BRAP: variants seen among roughly 807,000 people sequenced by gnomAD.
The protein encoded by BRAP is BRCA1 associated protein.
A neutral mutation model predicts 73.4 loss-of-function variants in BRAP; 42 were observed. The ratio of observed to expected loss-of-function variants is 0.57; its 90% confidence interval spans 0.45 to 0.74. BRAP has a LOEUF of 0.74. BRAP is among the 30% of genes least tolerant of loss of function. The probability of loss-of-function intolerance (pLI) is 0.00; values close to 1 mark genes in which losing one functional copy is unlikely to be tolerated. For missense variants in BRAP, 593 were observed against 751.4 expected (o/e 0.79, Z 2.46); for synonymous variants, 255 against 267.4 (o/e 0.95, Z 0.45).
At chr12:111,645,369 C>T (rs889289483) in intron 11 of BRAP, among the ~76,000 whole-genome samples, 1 of 152,126 alleles carries the variant, frequency 6.6e-6, no homozygotes. Context: ...GTCCAGCCCA[C>T]AAATGTACTT....
At position 111,679,331 on chromosome 12, in the gene BRAP, G is replaced by A; in HGVS notation, c.453C>T (p.Thr151=). The A allele has an allele frequency of 3.9e-6, 6 of 1,531,570 alleles. No individual in the cohort carries two copies. Among genetic ancestry groups the A allele is most frequent in the Non-Finnish European group, 5.3e-6 (6 of 1,134,286 alleles). 94.9% of individuals were successfully genotyped at this position (1,531,570 alleles called of 1,614,324 possible). ...TGCGCCGCACATCTTCTTTTAAGGA[G>A]GTCATCTTACTAACAAAAAAAAAAT... The part of the protein sequence containing the change: ...IMHLYKTNKM[T]SLKEDVRRSA... The change falls in exon 4 of 12, where the codon ACC becomes ACT. Residue 151 remains threonine (T), a synonymous_variant. Coordinates refer to ENST00000419234, the MANE Select transcript of BRAP (RefSeq NM_006768.5).
intron 10 of BRAP, 78 bp from the exon 11 acceptor site, chr12:111,650,120 C>T (rs941507895): frequency 1.2e-5 from 12 of 1,038,672 alleles, no homozygotes; most frequent in East Asian, 2.5e-5. Context: ...TCATATTTTT[C>T]CCCCCAATTA....
intron 11 of BRAP, among the ~76,000 whole-genome samples, chr12:111,645,989 C>G (rs567926072): frequency 6.6e-6 from 1 of 152,122 alleles, no homozygotes; most frequent in South Asian, 2.1e-4. Context: ...GATCTTGTCT[C>G]AAACAAACAA....
Position 111,685,692 on chromosome 12 carries a change from G to A in BRAP, c.82+19C>T, listed in dbSNP as rs765384261. On this transcript the variant is annotated intron_variant, in intron 1 of 11. Transcript: ENST00000419234. ...CCCAGACCCGGCTACAGGGAATGCG[G>A]CGAGGCCGCGGGACTCACCCGCGGC... The A allele has an allele frequency of 5.0e-6, 8 of 1,596,354 alleles. 2 individuals carry two copies. In the South Asian group the frequency reaches 9.0e-5, roughly 18 times the overall value.
intron 4 of BRAP, among the ~76,000 whole-genome samples, chr12:111,677,454 T>C (rs550276872): frequency 6.6e-6 from 1 of 152,314 alleles, no homozygotes; most frequent in Non-Finnish European, 1.5e-5. Context: ...TTGTCATTTA[T>C]GTCTAGCTAT....
intron 5 of BRAP, among the ~76,000 whole-genome samples, chr12:111,667,421 C>T (rs1170134785): frequency 6.6e-5 from 10 of 151,962 alleles, no homozygotes; most frequent in Admixed American, 4.6e-4. Context: ...AAAAAGATGC[C>T]GGGCGGGGTG....
At chr12:111,677,350 C>A (rs542607441) in intron 4 of BRAP, among the ~76,000 whole-genome samples, 1 of 152,288 alleles carries the variant, frequency 6.6e-6, no homozygotes, top group Admixed American at 6.5e-5. Flanking sequence ...GAATGTCTCA[C>A]AAACAACCGC....
At chr12:111,653,383 G>A (rs1461811763) in intron 10 of BRAP, among the ~76,000 whole-genome samples, 1 of 152,056 alleles carries the variant, frequency 6.6e-6, no homozygotes, top group Non-Finnish European at 1.5e-5. Flanking sequence ...ATCCACAGCT[G>A]GAAAAATACT....
Position 111,665,881 on chromosome 12 carries a change from C to A in BRAP, c.748-94G>T. 1 of 1,520,484 alleles carries A rather than the reference C, an allele frequency of 6.6e-7. No homozygotes were observed. Among genetic ancestry groups the A allele is most frequent in the South Asian group, 1.2e-5 (1 of 82,710 alleles). The allele number at this position is 1,520,484 out of a possible 1,614,324, so 94.2% of individuals were successfully genotyped here. A position where few individuals can be genotyped will look rare whatever the true frequency, so the allele number is the denominator to read the frequency against. On this transcript the variant is annotated intron_variant, in intron 5 of 11. Transcript: ENST00000419234. This position sits in a 1 kb window ranked among gnomAD's most constrained non-coding sequence, Gnocchi z 4.3. ...TCTGAGACAGGGTCTCGCTCTCTGT[C>A]ACCCACGCTGGAGCCCAGTGGCGCA...
Position 111,685,879 on chromosome 12 carries a change from G to C in BRAP, c.-87C>G. 2 of 914,008 alleles carry C rather than the reference G, an allele frequency of 2.2e-6. No individual in the cohort carries two copies. Among genetic ancestry groups the C allele is most frequent in the Non-Finnish European group, 3.0e-6 (2 of 673,738 alleles). The allele number at this position is 914,008 out of a possible 1,614,324, so 56.6% of individuals were successfully genotyped here. On this transcript the variant is annotated 5_prime_UTR_variant, in exon 1 of 12. Coordinates refer to ENST00000419234, the MANE Select transcript of BRAP (RefSeq NM_006768.5). ...GAGGCCGAGCGGCCCGGGGCCGGCAGCGCCGCCACCACCTCAATGCAGTTG... is the reference window on the plus strand; with the variant it reads ...GAGGCCGAGCGGCCCGGGGCCGGCACCGCCGCCACCACCTCAATGCAGTTG...
At position 111,672,761 on chromosome 12, in the gene BRAP, C is replaced by G. The variant is rs765670841; in HGVS notation, c.647G>C (p.Ser216Thr). The change falls in exon 5 of 12, where the codon AGT becomes ACT. Residue 216 changes from serine to threonine, a missense_variant. By Grantham distance (58) the Ser-to-Thr change is moderately conservative. Coordinates refer to ENST00000419234, the MANE Select transcript of BRAP (RefSeq NM_006768.5). ...GCGGCCATTGCATGTCATATAAAAA[C>G]TATCCGCATCAGCCTATGTACACCA... Reference protein sequence around the residue: ...IKFRAQADADSFYMTCNGRQF... With the variant: ...IKFRAQADADTFYMTCNGRQF... 6.2e-6 allele frequency: 10 copies of G among 1,613,824 alleles called. No individual in the cohort carries two copies. The Admixed American group carries it at 1.3e-4, about 22-fold the overall frequency.
chr12:111,648,284 G>A (rs970395075), intron 11 of BRAP, among the ~76,000 whole-genome samples: 2 of 147,470 alleles, frequency 1.4e-5, no homozygotes, highest in African/African-American at 5.0e-5. Flanking sequence ...TTGCGCCACT[G>A]CACTCCAGCC....
chr12:111,677,804 A>G (rs1257368594), intron 4 of BRAP, among the ~76,000 whole-genome samples: 1 of 152,210 alleles, frequency 6.6e-6, no homozygotes, highest in African/African-American at 2.4e-5. Flanking sequence ...TAAACTTTAA[A>G]TCCAAAGGAT....
At chr12:111,644,662 C>T (rs540162471) in intron 11 of BRAP, 100 bp from the exon 12 acceptor site, 1,350 of 1,497,500 alleles carry the variant, frequency 9.0e-4, no homozygotes, top group Non-Finnish European at 1.2e-3. Flanking sequence ...CCTCAGAATC[C>T]CTTTAGGACA....
chr12:111,659,390 G>T, intron 7 of BRAP, 45 bp from the exon 8 acceptor site: 2 of 1,577,962 alleles, frequency 1.3e-6, no homozygotes, highest in South Asian at 2.3e-5. Context: ...AAAAATAAAT[G>T]ATCTGGCTGG....
At chr12:111,682,221 C>T (rs1887626985) in intron 2 of BRAP, among the ~76,000 whole-genome samples, 1 of 152,156 alleles carries the variant, frequency 6.6e-6, no homozygotes, top group African/African-American at 2.4e-5. Context: ...TCCACTTCCG[C>T]AGATAAAATG....
In BRAP at chr12:111,642,877, A is replaced by AAGTAACAT. The variant is rs1253770048; in HGVS notation, c.*1314_*1321dup. 6.6e-6 allele frequency: 1 copy of AAGTAACAT among 152,230 alleles called. No homozygotes were observed. Among genetic ancestry groups the AAGTAACAT allele is most frequent in the Non-Finnish European group, 1.5e-5 (1 of 68,044 alleles). The allele number at this position is 152,230 out of a possible 1,614,324, so 9.4% of individuals were successfully genotyped here. A position where few individuals can be genotyped will look rare whatever the true frequency, so the allele number is the denominator to read the frequency against. On this transcript the variant is annotated 3_prime_UTR_variant, in exon 12 of 12. Transcript: ENST00000419234. ...TTAGTGATACAGTTGATGTGCTAAC[A>AAGTAACAT]AGTAACATGTAAGACATTTAGGTCA... is the stretch of plus-strand genomic sequence containing the variant.
intron 4 of BRAP, chr12:111,673,111 CTCTAG>C (rs1024081430): frequency 2.2e-5 from 5 of 229,856 alleles, no homozygotes; most frequent in African/African-American, 6.8e-5. Context: ...TTTTTTTTCC[CTCTAG>C]TCATCACTTG....
Position 111,665,063 on chromosome 12 carries a change from G to T in BRAP, c.896+576C>A, listed in dbSNP as rs1344175183. 6.6e-6 allele frequency among the ~76,000 whole-genome samples: 1 copy of T among 152,096 alleles called. No individual in the cohort carries two copies. Among genetic ancestry groups the T allele is most frequent in the African/African-American group, 2.4e-5 (1 of 41,414 alleles). On this transcript the variant is annotated intron_variant, in intron 6 of 11. Transcript: ENST00000419234. This position sits in a 1 kb window ranked among gnomAD's most constrained non-coding sequence, Gnocchi z 4.3. The stretch of plus-strand genomic sequence containing the variant: ...AAGTCCCACAGTGCAGTCTGCAAAG[G>T]GAGCAACCATCCTGGATTTAGGGGG...
Sources: gnomAD v4.1 joint callset for allele counts (sites outside exome capture counted in the v4.1 genomes callset) on GRCh38, gnomAD v4.1.1 for gene constraint, Gnocchi (gnomAD v3.1) non-coding constraint, MANE v1.5 for transcripts, NCBI Gene and HGNC (gene_info 2026-07-23, HGNC 2026-07-21) for gene names.